Variants in LAMA2 observed in about 807,000 individuals in gnomAD.
LAMA2 encodes laminin subunit alpha-2.
In LAMA2, 269 loss-of-function variants were observed where a neutral mutation model predicts 364.8. The observed-to-expected ratio is 0.74, with a 90% CI of 0.67 to 0.82. The LOEUF (loss-of-function observed/expected upper bound fraction) is 0.82. Among genes scored for constraint, LAMA2 ranks in the 40% least tolerant of loss-of-function variants. The pLI, the probability that LAMA2 is intolerant of heterozygous loss-of-function variation, is 0.00. For synonymous variants in LAMA2, 1,379 were observed against 1,370.6 expected (o/e 1.01, Z -0.14); for missense variants, 3,807 against 3,873.2 (o/e 0.98, Z 0.45).
intron 12 of LAMA2, among the ~76,000 whole-genome samples, chr6:129,236,799 CTATACACATTATAAGAGCACAG>C (rs1785028219): frequency 6.6e-6 from 1 of 152,018 alleles, no homozygotes; most frequent in African/African-American, 2.4e-5. Context: ...TGGAAACATA[CTATACACATTATAAGAGCACAG>C]TATAATTTTT....
chr6:129,485,237 C>T lies in LAMA2; in HGVS notation c.7750-1237C>T, dbSNP rs1273206283. ...CAGATATTTAAACACTACCTACTGG[C>T]TCCAAATTTCTCCTCTTCAAGATAA... is the stretch of plus-strand genomic sequence containing the variant. On this transcript the variant is annotated intron_variant, in intron 55 of 64. Coordinates refer to ENST00000421865, the MANE Select transcript of LAMA2 (RefSeq NM_000426.4). Among the ~76,000 whole-genome samples the T allele has an allele frequency of 2.6e-5, 4 of 152,262 alleles. No individual in the cohort carries two copies. In the South Asian group the frequency reaches 8.3e-4, roughly 32 times the overall value.
chr6:129,072,764 C>T (rs7750261), intron 3 of LAMA2, among the ~76,000 whole-genome samples: 8,739 of 151,992 alleles, frequency 0.057, 854 homozygotes, highest in African/African-American at 0.2. Context: ...TGGTAACTTG[C>T]GTCCTTCATT....
intron 12 of LAMA2, among the ~76,000 whole-genome samples, chr6:129,216,773 A>G (rs902891844): frequency 6.6e-6 from 1 of 152,160 alleles, no homozygotes; most frequent in African/African-American, 2.4e-5. Flanking sequence ...AAAATACTTA[A>G]GTTCTTGAGA....
At chr6:129,236,512 A>G (rs1784991439) in intron 12 of LAMA2, among the ~76,000 whole-genome samples, 1 of 152,128 alleles carries the variant, frequency 6.6e-6, no homozygotes, top group South Asian at 2.1e-4. Flanking sequence ...GTTATGTTTC[A>G]TTTTGCAGGT....
intron 3 of LAMA2, among the ~76,000 whole-genome samples, chr6:129,096,704 A>G (rs1447794435): frequency 6.6e-6 from 1 of 152,156 alleles, no homozygotes; most frequent in Non-Finnish European, 1.5e-5. Context: ...GGCAGCAGTG[A>G]TTTGTCAACA....
At chr6:128,949,297 A>G (rs949987474) in intron 1 of LAMA2, among the ~76,000 whole-genome samples, 6 of 152,078 alleles carry the variant, frequency 3.9e-5, no homozygotes, top group Admixed American at 3.3e-4. Flanking sequence ...CTCTTCTTTA[A>G]CCAAGGGCCA....
chr6:129,335,203 C>T (rs1775879818), intron 29 of LAMA2, among the ~76,000 whole-genome samples: 1 of 152,072 alleles, frequency 6.6e-6, no homozygotes, highest in Non-Finnish European at 1.5e-5. Context: ...AAATCCTGTA[C>T]ATAGGCATGT....
intron 4 of LAMA2, among the ~76,000 whole-genome samples, chr6:129,128,083 T>A (rs890247134): frequency 6.6e-6 from 1 of 152,210 alleles, no homozygotes; most frequent in African/African-American, 2.4e-5. Context: ...CAGATCAATG[T>A]CATATACTTT....
At chr6:129,288,720 G>T (rs373767226) in intron 19 of LAMA2, among the ~76,000 whole-genome samples, 21 of 151,978 alleles carry the variant, frequency 1.4e-4, no homozygotes, top group African/African-American at 4.1e-4. Context: ...CTTTTTTGCT[G>T]TATTAATACT....
intron 55 of LAMA2, among the ~76,000 whole-genome samples, chr6:129,482,774 A>G (rs1254445512): frequency 6.6e-6 from 1 of 152,166 alleles, no homozygotes; most frequent in African/African-American, 2.4e-5. Context: ...GAAAATCAAA[A>G]TATCAGCCAG....
intron 22 of LAMA2, among the ~76,000 whole-genome samples, chr6:129,304,277 G>GT (rs1399922626): frequency 6.6e-6 from 1 of 151,612 alleles, no homozygotes; most frequent in Admixed American, 6.6e-5. Context: ...TTTGTTTTTT[G>GT]TTTTTGAGAC....
At chr6:129,298,639 C>G (rs929947059) in intron 21 of LAMA2, among the ~76,000 whole-genome samples, 1 of 152,160 alleles carries the variant, frequency 6.6e-6, no homozygotes, top group Admixed American at 6.5e-5. Context: ...CTGGATAATG[C>G]TCACATACTC....
At chr6:129,368,018 G>A (rs1033670559) in intron 33 of LAMA2, among the ~76,000 whole-genome samples, 4 of 152,336 alleles carry the variant, frequency 2.6e-5, no homozygotes, top group Non-Finnish European at 5.9e-5. Context: ...GTGAAGGCCT[G>A]TTCCTCACAG....
In LAMA2 at chr6:129,501,462, C is replaced by T. The variant is rs1402344398; in HGVS notation, c.8245-1197C>T. 2.6e-5 allele frequency among the ~76,000 whole-genome samples: 4 copies of T among 152,186 alleles called. No homozygotes were observed. The South Asian group carries it at 8.3e-4, about 31-fold the overall frequency. On this transcript the variant is annotated intron_variant, in intron 58 of 64. Transcript: ENST00000421865. ...CAAAACACTTTAAGCCTTTTACCTG[C>T]TGTGGCAGAGTGCTTCGTTTGACTA...
chr6:128,943,281 G>C (rs867750770), intron 1 of LAMA2, among the ~76,000 whole-genome samples: 5,423 of 149,998 alleles, frequency 0.036, 314 homozygotes, highest in African/African-American at 0.12. Flanking sequence ...GAGAGAGAGA[G>C]AGAGAGAGAG....
chr6:129,095,630 G>A (rs188804029), intron 3 of LAMA2, among the ~76,000 whole-genome samples: 33 of 152,068 alleles, frequency 2.2e-4, no homozygotes, highest in Non-Finnish European at 3.7e-4. Flanking sequence ...GTACAAGCTG[G>A]CCGGGCACGG....
intron 3 of LAMA2, among the ~76,000 whole-genome samples, chr6:129,083,185 A>C (rs79818389): frequency 0.096 from 14,610 of 152,220 alleles, 897 homozygotes; most frequent in Middle Eastern, 0.19. Context: ...ACATTTTGTA[A>C]CTGGATATTA....
intron 41 of LAMA2, chr6:129,436,894 C>T (rs779706729): frequency 2.0e-5 from 3 of 152,052 alleles, no homozygotes; most frequent in Admixed American, 6.6e-5. Flanking sequence ...GAACACTTTG[C>T]ATATTTGCCT....
At chr6:128,919,681 T>C (rs1003538854) in intron 1 of LAMA2, among the ~76,000 whole-genome samples, 1 of 152,230 alleles carries the variant, frequency 6.6e-6, no homozygotes, top group Non-Finnish European at 1.5e-5. Flanking sequence ...TTTGTTGTAC[T>C]TCAGCTAGGT....
Sources: gnomAD v4.1 joint callset for allele counts (sites outside exome capture counted in the v4.1 genomes callset) on GRCh38, gnomAD v4.1.1 for gene constraint, MANE v1.5 for transcripts, NCBI Gene and HGNC (gene_info 2026-07-23, HGNC 2026-07-21) for gene names.